TTC29: variants seen among roughly 807,000 people sequenced by gnomAD.
TTC29 encodes tetratricopeptide repeat protein 29.
Under a neutral mutation model 58.1 loss-of-function variants are expected in TTC29, and 49 were observed. The ratio of observed to expected loss-of-function variants is 0.84; its 90% CI spans 0.67 to 1.07. The LOEUF is 1.07. TTC29 is among the 50% of genes least tolerant of loss of function. The pLI is 0.00. For missense variants in TTC29, 582 were observed against 555.6 expected (o/e 1.05, Z -0.48); for synonymous variants, 209 against 196.8 (o/e 1.06, Z -0.52).
chr4:146,795,704 A>G (rs987779939), intron 11 of TTC29, among the ~76,000 whole-genome samples: 13 of 152,198 alleles, frequency 8.5e-5, no homozygotes, highest in African/African-American at 3.1e-4. Context: ...TAATGTGTTC[A>G]TGTTTTAAAT....
intron 11 of TTC29, among the ~76,000 whole-genome samples, chr4:146,793,640 TTGA>T (rs1749628568): frequency 6.6e-6 from 1 of 152,164 alleles, no homozygotes; most frequent in Admixed American, 6.5e-5. Context: ...TCTATTTGGC[TTGA>T]TATTTTTCTC....
At chr4:146,885,684 G>T (rs1731936574) in intron 6 of TTC29, among the ~76,000 whole-genome samples, 1 of 151,968 alleles carries the variant, frequency 6.6e-6, no homozygotes, top group Admixed American at 6.6e-5. Context: ...TTTTATGATT[G>T]CTAGGTTGGC....
intron 12 of TTC29, 107 bp from the exon 13 acceptor site, chr4:146,707,295 A>G: frequency 1.2e-6 from 1 of 864,002 alleles, no homozygotes. Flanking sequence ...TGTGGCTTCA[A>G]AATTAAAAAT....
intron 11 of TTC29, among the ~76,000 whole-genome samples, chr4:146,747,579 G>A (rs1008872202): frequency 1.3e-5 from 2 of 152,208 alleles, no homozygotes; most frequent in Non-Finnish European, 2.9e-5. Context: ...CAAATGTGGT[G>A]TCCCACCCAC....
intron 11 of TTC29, among the ~76,000 whole-genome samples, chr4:146,743,334 C>T (rs1330708652): frequency 1.3e-5 from 2 of 152,012 alleles, no homozygotes; most frequent in Non-Finnish European, 2.9e-5. Flanking sequence ...AAAATAAGTG[C>T]CTGGTTGTGC....
intron 6 of TTC29, 117 bp from the exon 7 acceptor site, chr4:146,875,045 G>A: frequency 1.4e-6 from 1 of 740,556 alleles, no homozygotes; most frequent in South Asian, 1.8e-5. Flanking sequence ...TATGGTGAAG[G>A]ATTTCTAAGG....
chr4:146,859,427 C>T (rs1730081737), intron 8 of TTC29, among the ~76,000 whole-genome samples: 1 of 151,870 alleles, frequency 6.6e-6, no homozygotes, highest in Non-Finnish European at 1.5e-5. Flanking sequence ...TCAAGAATTT[C>T]TTACATATAG....
intron 11 of TTC29, among the ~76,000 whole-genome samples, chr4:146,776,781 A>C (rs1748132617): frequency 6.6e-6 from 1 of 152,192 alleles, no homozygotes; most frequent in Admixed American, 6.5e-5. Context: ...GCTGGAGTGG[A>C]GTACCGATGG....
At chr4:146,754,893 G>C (rs1004551748) in intron 11 of TTC29, among the ~76,000 whole-genome samples, 1 of 151,930 alleles carries the variant, frequency 6.6e-6, no homozygotes, top group Non-Finnish European at 1.5e-5. Flanking sequence ...ATTGGAAGTA[G>C]TAGCAAGATT....
chr4:146,837,270 A>C (rs2150163133), intron 8 of TTC29, among the ~76,000 whole-genome samples: 1 of 152,218 alleles, frequency 6.6e-6, no homozygotes, highest in South Asian at 2.1e-4. Flanking sequence ...GCATGTTCTC[A>C]CTTATAAGTG....
In TTC29 at chr4:146,833,798, T is replaced by C. The variant is rs202183676; in HGVS notation, c.977+8A>G. 75 of 1,609,614 alleles carry C rather than the reference T, an allele frequency of 4.7e-5. No homozygotes were observed. In the East Asian group the frequency reaches 6.7e-4, roughly 14 times the overall value. On this transcript the variant is annotated splice_region_variant and intron_variant, in intron 9 of 12. Transcript: ENST00000325106. ...CAGTGACAGCAAGATGAGAATGTGC[T>C]AACTTACCTCTGCAGGACCTTGGCT...
chr4:146,765,317 G>T (rs1468563692), intron 11 of TTC29, among the ~76,000 whole-genome samples: 2 of 152,106 alleles, frequency 1.3e-5, no homozygotes, highest in Admixed American at 1.3e-4. Flanking sequence ...TCTTTATAAA[G>T]TGAAATTATT....
intron 11 of TTC29, among the ~76,000 whole-genome samples, chr4:146,709,713 G>A (rs1742342737): frequency 6.6e-6 from 1 of 151,986 alleles, no homozygotes; most frequent in Non-Finnish European, 1.5e-5. Flanking sequence ...CACTCCCCTA[G>A]ATGACTAAAT....
intron 11 of TTC29, among the ~76,000 whole-genome samples, chr4:146,791,079 G>A (rs1749413967): frequency 6.6e-6 from 1 of 152,190 alleles, no homozygotes; most frequent in Non-Finnish European, 1.5e-5. Context: ...AAGTAGAGTG[G>A]TTGAATTATA....
chr4:146,863,345 C>T (rs1412485888), intron 8 of TTC29, among the ~76,000 whole-genome samples: 1 of 151,998 alleles, frequency 6.6e-6, no homozygotes, highest in East Asian at 1.9e-4. Context: ...CTCTTTTGTA[C>T]CTCCTCCTTC....
chr4:146,894,644 A>G (rs1055706034), intron 6 of TTC29, among the ~76,000 whole-genome samples: 4 of 151,978 alleles, frequency 2.6e-5, no homozygotes, highest in Non-Finnish European at 5.9e-5. Context: ...ACTAACCTAC[A>G]CGTTGTGCAC....
In TTC29 at chr4:146,762,687, A is replaced by G. The variant is rs573041295; in HGVS notation, c.1330+40770T>C. ...TAAAAACATGATTCAAGTAATCATAAAATGCATTTTGATTTCTCAGTGACC... is the reference window on the plus strand; with the variant it reads ...TAAAAACATGATTCAAGTAATCATAGAATGCATTTTGATTTCTCAGTGACC... On this transcript the variant is annotated intron_variant, in intron 11 of 12. Transcript: ENST00000325106. Among the ~76,000 whole-genome samples, 9 of 152,002 alleles carry G rather than the reference A, an allele frequency of 5.9e-5. No homozygotes were observed. The South Asian group carries it at 1.9e-3, about 32-fold the overall frequency.
chr4:146,876,511 A>G (rs1419693990), intron 6 of TTC29, among the ~76,000 whole-genome samples: 1 of 152,190 alleles, frequency 6.6e-6, no homozygotes, highest in Admixed American at 6.5e-5. Flanking sequence ...TATTGCATAT[A>G]ATTTCTTCCT....
At chr4:146,827,359 G>A (rs997920448) in intron 9 of TTC29, among the ~76,000 whole-genome samples, 17 of 152,160 alleles carry the variant, frequency 1.1e-4, no homozygotes, top group South Asian at 4.1e-4. Context: ...TCTTGGCCCC[G>A]CCCCCACAGT....
Sources: gnomAD v4.1 joint callset for allele counts (sites outside exome capture counted in the v4.1 genomes callset) on GRCh38, gnomAD v4.1.1 for gene constraint, MANE v1.5 for transcripts, NCBI Gene and HGNC (gene_info 2026-07-23, HGNC 2026-07-21) for gene names.